PTPN12: variants seen among roughly 807,000 people sequenced by gnomAD.
PTPN12 encodes tyrosine-protein phosphatase non-receptor type 12.
PTPN12 carries 29 observed loss-of-function variants against 97.6 expected under a neutral mutation model. The ratio of observed to expected loss-of-function variants is 0.30; its 90% CI spans 0.22 to 0.41. The LOEUF (loss-of-function observed/expected upper bound fraction) is 0.41. Among genes scored for constraint, PTPN12 ranks in the 10% least tolerant of loss-of-function variants. PTPN12 has a pLI of 1.00. For missense variants in PTPN12, 819 were observed against 926.0 expected (o/e 0.88, Z 1.50); for synonymous variants, 327 against 300.4 (o/e 1.09, Z -0.91).
chr7:77,577,226 C>T (rs964592349), intron 2 of PTPN12, among the ~76,000 whole-genome samples: 1 of 152,164 alleles, frequency 6.6e-6, no homozygotes, highest in African/African-American at 2.4e-5. Flanking sequence ...GACCCAGAGC[C>T]TTGGCTTTTA....
At chr7:77,623,577 G>A (rs1228729171) in intron 12 of PTPN12, among the ~76,000 whole-genome samples, 1 of 152,232 alleles carries the variant, frequency 6.6e-6, no homozygotes, top group East Asian at 1.9e-4. Context: ...CGGGCGTCAT[G>A]GCGCGTGCCT....
intron 13 of PTPN12, among the ~76,000 whole-genome samples, chr7:77,628,259 A>G (rs1338065979): frequency 6.6e-6 from 1 of 152,222 alleles, no homozygotes; most frequent in Non-Finnish European, 1.5e-5. Flanking sequence ...ATACCTACTC[A>G]TCAAAGCTAT....
chr7:77,548,079 T>A (rs951254469), intron 1 of PTPN12, among the ~76,000 whole-genome samples: 1 of 152,208 alleles, frequency 6.6e-6, no homozygotes, highest in African/African-American at 2.4e-5. Flanking sequence ...TGGTAAATGT[T>A]CTTAAATCTG....
intron 9 of PTPN12, among the ~76,000 whole-genome samples, chr7:77,609,698 G>A (rs1788497828): frequency 6.6e-6 from 1 of 151,506 alleles, no homozygotes; most frequent in African/African-American, 2.4e-5. Flanking sequence ...GGCTAACACG[G>A]TGAAACCCTG....
At chr7:77,571,645 T>C (rs1404518284) in intron 2 of PTPN12, among the ~76,000 whole-genome samples, 1 of 152,328 alleles carries the variant, frequency 6.6e-6, no homozygotes, top group Non-Finnish European at 1.5e-5. Context: ...AGTCTGAATA[T>C]GTGCCTCTAA....
intron 15 of PTPN12, among the ~76,000 whole-genome samples, chr7:77,636,276 T>C (rs1456583195): frequency 4.0e-5 from 6 of 151,878 alleles, no homozygotes; most frequent in Admixed American, 3.9e-4. Context: ...ATTCGAGAAA[T>C]GTTTTGGCAA....
At chr7:77,591,451 T>C (rs1213414334) in intron 5 of PTPN12, among the ~76,000 whole-genome samples, 1 of 152,236 alleles carries the variant, frequency 6.6e-6, no homozygotes, top group East Asian at 1.9e-4. Flanking sequence ...TGCTTGATAT[T>C]AGAAACTGAT....
At chr7:77,624,355 A>G (rs908503124) in intron 12 of PTPN12, among the ~76,000 whole-genome samples, 6 of 152,150 alleles carry the variant, frequency 3.9e-5, no homozygotes, top group African/African-American at 1.2e-4. Context: ...TATGATCAGT[A>G]TTCTGGAGAT....
intron 17 of PTPN12, 171 bp from the exon 18 acceptor site, chr7:77,639,048 C>T: frequency 1.5e-6 from 1 of 654,430 alleles, no homozygotes; most frequent in Non-Finnish European, 2.4e-6. Context: ...TCAGTTATTC[C>T]AAATAAATTT....
chr7:77,567,864 GTTA>G lies in PTPN12; in HGVS notation c.100-3209_100-3207del, dbSNP rs1388855173. On this transcript the variant is annotated intron_variant, in intron 1 of 17. Transcript: ENST00000248594. ...GTACTAGACCTTTTGCTGAGTAAAG[GTTA>G]TTATCTCAGTTTTATAGATGAGACA... is the stretch of plus-strand genomic sequence containing the variant. Among the ~76,000 whole-genome samples, 4 of 152,166 alleles carry G rather than the reference GTTA, an allele frequency of 2.6e-5. No individual in the cohort carries two copies. The East Asian group carries it at 7.7e-4, about 29-fold the overall frequency.
chr7:77,560,798 A>G (rs144364605), intron 1 of PTPN12, among the ~76,000 whole-genome samples: 2 of 152,322 alleles, frequency 1.3e-5, no homozygotes, highest in East Asian at 3.9e-4. Context: ...CTATTTGCCC[A>G]TAGCATGACA....
At chr7:77,602,736 T>C (rs984833996) in intron 8 of PTPN12, among the ~76,000 whole-genome samples, 3 of 152,222 alleles carry the variant, frequency 2.0e-5, no homozygotes, top group Admixed American at 6.5e-5. Flanking sequence ...AGAAGCTACT[T>C]GAATCCTTAG....
chr7:77,555,189 TC>T (rs1468543064), intron 1 of PTPN12, among the ~76,000 whole-genome samples: 3 of 152,058 alleles, frequency 2.0e-5, no homozygotes, highest in Non-Finnish European at 4.4e-5. Context: ...TGATTTTTTT[TC>T]CTCTGGCTTT....
intron 11 of PTPN12, among the ~76,000 whole-genome samples, chr7:77,611,911 G>A (rs772473124): frequency 6.6e-6 from 1 of 151,210 alleles, no homozygotes; most frequent in Non-Finnish European, 1.5e-5. Context: ...TCTCATTTCT[G>A]CCTTTGTTTT....
At chr7:77,570,431 A>G (rs1392842445) in intron 1 of PTPN12, among the ~76,000 whole-genome samples, 1 of 152,360 alleles carries the variant, frequency 6.6e-6, no homozygotes, top group Admixed American at 6.5e-5. Flanking sequence ...ACAATTCACA[A>G]TACTGACTTT....
rs183154585 is a variant in PTPN12, at chr7:77,612,420, T to G, written c.939+1374T>G. On this transcript the variant is annotated intron_variant, in intron 11 of 17. Coordinates refer to ENST00000248594, the MANE Select transcript of PTPN12 (RefSeq NM_002835.4). ...TAGCCAAATATTTTATAATGTAGAA[T>G]CAAATGTGTTTTTGTTTTGTTTTAT... 1.3e-4 allele frequency among the ~76,000 whole-genome samples: 20 copies of G among 152,294 alleles called. No homozygotes were observed. In the East Asian group the frequency reaches 3.3e-3, roughly 25 times the overall value.
chr7:77,579,554 G>C (rs1378480083), intron 2 of PTPN12, among the ~76,000 whole-genome samples: 1 of 152,178 alleles, frequency 6.6e-6, no homozygotes, highest in Non-Finnish European at 1.5e-5. Context: ...ATTGTCTTAT[G>C]GTTATATAAG....
intron 12 of PTPN12, among the ~76,000 whole-genome samples, chr7:77,622,903 G>T (rs1043881304): frequency 4.8e-5 from 7 of 145,904 alleles, no homozygotes; most frequent in African/African-American, 1.7e-4. Flanking sequence ...AAAATGAATG[G>T]ATAAAGAAAA....
rs1789723541 is a variant in PTPN12, at chr7:77,639,501, C to T, written c.*221C>T. 1 of 499,314 alleles carries T rather than the reference C, an allele frequency of 2.0e-6. No individual in the cohort carries two copies. The highest frequency in any genetic ancestry group is 3.5e-6 in the Non-Finnish European group (1 of 283,200). The allele number at this position is 499,314 out of a possible 1,614,324, so 30.9% of individuals were successfully genotyped here. On this transcript the variant is annotated 3_prime_UTR_variant, in exon 18 of 18. Coordinates refer to ENST00000248594, the MANE Select transcript of PTPN12 (RefSeq NM_002835.4). ...TTCAAGTATTATTGCCTTAATGTCT[C>T]TTAACCCTGTTACACGCTGCTTGTA...
Sources: gnomAD v4.1 joint callset for allele counts (sites outside exome capture counted in the v4.1 genomes callset) on GRCh38, gnomAD v4.1.1 for gene constraint, MANE v1.5 for transcripts, NCBI Gene and HGNC (gene_info 2026-07-23, HGNC 2026-07-21) for gene names.